PPFIA2: variants seen among roughly 807,000 people sequenced by gnomAD.
PPFIA2 encodes liprin-alpha-2.
In PPFIA2, 46 loss-of-function variants were observed where a neutral mutation model predicts 175.5. That is an observed-to-expected ratio of 0.26 (90% CI 0.21 to 0.34). The LOEUF is 0.34. Among genes scored for constraint, PPFIA2 ranks in the 10% least tolerant of loss-of-function variants. The probability of loss-of-function intolerance (pLI) is 1.00; values close to 1 mark genes in which losing one functional copy is unlikely to be tolerated. For missense variants in PPFIA2, 1,179 were observed against 1,506.1 expected, an observed-to-expected ratio of 0.78 and a Z score of 3.60; for synonymous variants, 568 against 511.4, an observed-to-expected ratio of 1.11 and a Z score of -1.49.
At position 81,268,085 on chromosome 12, in the gene PPFIA2, C is replaced by G. The variant is rs2037851205; in HGVS notation, c.3313G>C (p.Val1105Leu). The G allele has an allele frequency of 6.3e-7, 1 of 1,581,444 alleles. No individual in the cohort carries two copies. The highest frequency in any genetic ancestry group is 1.4e-5 in the African/African-American group (1 of 73,746). ...REASQHEIKD[V>L]LVWSNDRVIR... ...ACTCGGTCATTGCTCCACACCAACA[C>G]GTCTAGGAAAAGAGATGCATCATTT... is the stretch of plus-strand genomic sequence containing the variant. Residue 1105 changes from valine to leucine, a missense_variant and splice_region_variant, in exon 29 of 33, where the codon GTG (valine) becomes CTG (leucine). Transcript: ENST00000549396.
At chr12:81,351,277 A>G (rs2059954396) in intron 17 of PPFIA2, among the ~76,000 whole-genome samples, 1 of 152,102 alleles carries the variant, frequency 6.6e-6, no homozygotes, top group African/African-American at 2.4e-5. Flanking sequence ...TATAATAAAG[A>G]TATTTGTTAG....
At chr12:81,446,881 C>T (rs1235746535) in intron 5 of PPFIA2, among the ~76,000 whole-genome samples, 1 of 152,056 alleles carries the variant, frequency 6.6e-6, no homozygotes, top group East Asian at 1.9e-4. Context: ...GTTGATTTCT[C>T]TACATTTGCT....
chr12:81,679,082 A>C (rs957805200), intron 3 of PPFIA2, among the ~76,000 whole-genome samples: 4 of 151,958 alleles, frequency 2.6e-5, no homozygotes, highest in African/African-American at 9.7e-5. Context: ...ATCCTTATCA[A>C]ATCCAAAGAT....
chr12:81,386,205 G>A (rs1246309482), intron 8 of PPFIA2, among the ~76,000 whole-genome samples: 1 of 151,742 alleles, frequency 6.6e-6, no homozygotes, highest in African/African-American at 2.4e-5. Context: ...TTGAGCCTAG[G>A]AGTTTGAGGC....
intron 7 of PPFIA2, among the ~76,000 whole-genome samples, chr12:81,413,836 A>T (rs747579521): frequency 7.2e-5 from 11 of 151,802 alleles, no homozygotes; most frequent in Non-Finnish European, 1.6e-4. Context: ...AGGAAAAGCA[A>T]TGTAAATTGA....
chr12:81,692,561 T>A (rs2075382728), intron 3 of PPFIA2, among the ~76,000 whole-genome samples: 1 of 152,132 alleles, frequency 6.6e-6, no homozygotes, highest in African/African-American at 2.4e-5. Flanking sequence ...ACAGGTTGAA[T>A]CTTTTTAGAC....
At chr12:81,611,654 T>A (rs1484375602) in intron 4 of PPFIA2, among the ~76,000 whole-genome samples, 2 of 148,810 alleles carry the variant, frequency 1.3e-5, no homozygotes, top group Non-Finnish European at 2.9e-5. Context: ...GTCACATCTG[T>A]TGCAAAGAAA....
At chr12:81,569,657 T>C (rs1020957717) in intron 4 of PPFIA2, among the ~76,000 whole-genome samples, 3 of 152,142 alleles carry the variant, frequency 2.0e-5, no homozygotes, top group Admixed American at 1.3e-4. Flanking sequence ...AATTAGAATA[T>C]TAAACAAGTT....
At chr12:81,633,846 G>C (rs1034705817) in intron 4 of PPFIA2, among the ~76,000 whole-genome samples, 1 of 152,108 alleles carries the variant, frequency 6.6e-6, no homozygotes, top group African/African-American at 2.4e-5. Flanking sequence ...GCAGGGGGGA[G>C]AGGAAGGTGG....
chr12:81,599,912 A>G lies in PPFIA2; in HGVS notation c.303+76879T>C, dbSNP rs188442167. ...TCATCCTGATTACACTGGGCTATGA[A>G]TGGATAAGCATACCACAAAGGTGAA... On this transcript the variant is annotated intron_variant, in intron 4 of 32. Transcript: ENST00000549396. 2.8e-4 allele frequency among the ~76,000 whole-genome samples: 43 copies of G among 152,094 alleles called. No homozygotes were observed. In the East Asian group the frequency reaches 6.8e-3, roughly 24 times the overall value.
At chr12:81,528,705 C>T (rs1259966941) in intron 4 of PPFIA2, among the ~76,000 whole-genome samples, 1 of 152,030 alleles carries the variant, frequency 6.6e-6, no homozygotes, top group Non-Finnish European at 1.5e-5. Flanking sequence ...AAAAGCATTT[C>T]CATAGCAACA....
chr12:81,449,424 C>CAG (rs1405483697), intron 5 of PPFIA2, among the ~76,000 whole-genome samples: 1 of 150,258 alleles, frequency 6.7e-6, no homozygotes, highest in Non-Finnish European at 1.5e-5. Flanking sequence ...ATACTTCTAC[C>CAG]AGAAACACCA....
At position 81,602,481 on chromosome 12, in the gene PPFIA2, C is replaced by T. The variant is rs551573704; in HGVS notation, c.303+74310G>A. 4.0e-5 allele frequency among the ~76,000 whole-genome samples: 6 copies of T among 148,822 alleles called. No homozygotes were observed. The South Asian group carries it at 1.2e-3, about 31-fold the overall frequency. On this transcript the variant is annotated intron_variant, in intron 4 of 32. Coordinates refer to ENST00000549396, the MANE Select transcript of PPFIA2 (RefSeq NM_003625.5). Reference sequence around the variant, plus strand: ...GTTATGGTTTTTATCAGCAATATTACTCAAATTTTCTGATTTCTTCTGCAT... The same window carrying T: ...GTTATGGTTTTTATCAGCAATATTATTCAAATTTTCTGATTTCTTCTGCAT...
intron 4 of PPFIA2, among the ~76,000 whole-genome samples, chr12:81,507,088 A>G (rs539780790): frequency 3.3e-5 from 5 of 152,166 alleles, no homozygotes; most frequent in East Asian, 1.9e-4. Flanking sequence ...TTTTTTTTCT[A>G]TGGTTCAGAT....
intron 5 of PPFIA2, among the ~76,000 whole-genome samples, chr12:81,449,801 C>G (rs1274733719): frequency 6.8e-6 from 1 of 146,254 alleles, no homozygotes. Flanking sequence ...CCCCCGACCC[C>G]ATGACAGGCC....
chr12:81,597,637 A>G (rs1398411762), intron 4 of PPFIA2, among the ~76,000 whole-genome samples: 4 of 152,106 alleles, frequency 2.6e-5, no homozygotes, highest in Non-Finnish European at 4.4e-5. Flanking sequence ...AATGTTTACC[A>G]TATTATAACC....
At chr12:81,390,295 G>A (rs1196326401) in intron 8 of PPFIA2, among the ~76,000 whole-genome samples, 2 of 151,906 alleles carry the variant, frequency 1.3e-5, no homozygotes, top group Non-Finnish European at 2.9e-5. Flanking sequence ...CTCTTGGATC[G>A]ATTCCTAGAG....
At chr12:81,302,293 G>A (rs1264083411) in intron 22 of PPFIA2, 2 of 297,938 alleles carry the variant, frequency 6.7e-6, no homozygotes, top group East Asian at 1.8e-4. Flanking sequence ...ACTGATTCTA[G>A]CTGATCCCAA....
chr12:81,362,220 G>T (rs2031016011), intron 15 of PPFIA2, among the ~76,000 whole-genome samples: 1 of 149,524 alleles, frequency 6.7e-6, no homozygotes. Flanking sequence ...TACCGAAATA[G>T]GTAGATGCTA....
Sources: gnomAD v4.1 joint callset for allele counts (sites outside exome capture counted in the v4.1 genomes callset) on GRCh38, gnomAD v4.1.1 for gene constraint, MANE v1.5 for transcripts, NCBI Gene and HGNC (gene_info 2026-07-23, HGNC 2026-07-21) for gene names.